Variants in MYO1A observed in about 807,000 individuals in gnomAD.
MYO1A encodes the protein unconventional myosin-Ia.
MYO1A carries 127 observed loss-of-function variants against 138.5 expected under a neutral mutation model. The ratio of observed to expected loss-of-function variants is 0.92; its 90% CI spans 0.79 to 1.06. MYO1A has a LOEUF of 1.06. MYO1A is among the 50% of genes least tolerant of loss of function. The probability of loss-of-function intolerance (pLI) is 0.00; values close to 1 mark genes in which losing one functional copy is unlikely to be tolerated. For missense variants in MYO1A, 1,211 were observed against 1,288.8 expected, an observed-to-expected ratio of 0.94 and a Z score of 0.92; for synonymous variants, 477 against 497.5, an observed-to-expected ratio of 0.96 and a Z score of 0.55.
At position 57,038,028 on chromosome 12, in the gene MYO1A, G is replaced by A. The variant is rs774478942; in HGVS notation, c.1802C>T (p.Ser601Phe). Residue 601 changes from serine to phenylalanine, a missense_variant, in exon 18 of 28, where the codon TCT (serine) becomes TTT (phenylalanine). Coordinates refer to ENST00000300119, the MANE Select transcript of MYO1A (RefSeq NM_005379.4). ...AGCCTGGGTTGCCACCAGGTCTGAA[G>A]AGAACTGACCTCGCTGCTGATGCTC... ...PNEHQQRGQFSSDLVATQARY... is the reference protein window; with the variant it reads ...PNEHQQRGQFFSDLVATQARY... 2.5e-6 allele frequency: 4 copies of A among 1,614,056 alleles called. No homozygotes were observed. The African/African-American group carries it at 4.0e-5, about 16-fold the overall frequency.
At chr12:57,041,832 C>T (rs1301714490) in intron 12 of MYO1A, among the ~76,000 whole-genome samples, 3 of 152,138 alleles carry the variant, frequency 2.0e-5, no homozygotes, top group East Asian at 3.8e-4. Context: ...TTATCATAAC[C>T]TTATAAGGTA....
intron 22 of MYO1A, 83 bp downstream of exon 22, chr12:57,036,224 G>A: frequency 7.4e-7 from 1 of 1,343,966 alleles, no homozygotes; most frequent in Non-Finnish European, 1.1e-6. Context: ...GGAAAGCTTT[G>A]GGTTGCCTCT....
chr12:57,040,068 C>T (rs1190275984), intron 14 of MYO1A, among the ~76,000 whole-genome samples: 2 of 152,220 alleles, frequency 1.3e-5, no homozygotes, highest in Non-Finnish European at 2.9e-5. Flanking sequence ...TCAGACGCTC[C>T]AGGCTGGGAC....
intron 24 of MYO1A, 118 bp from the exon 25 acceptor site, chr12:57,029,990 T>A: frequency 6.6e-7 from 1 of 1,516,522 alleles, no homozygotes; most frequent in Non-Finnish European, 9.1e-7. Context: ...CCTCTGTCAG[T>A]GTCCACAGAG....
At position 57,047,065 on chromosome 12, in the gene MYO1A, C is replaced by A. The variant is rs774474574; in HGVS notation, c.473G>T (p.Arg158Leu). The A allele has an allele frequency of 1.2e-6, 2 of 1,614,104 alleles. No homozygotes were observed. The highest frequency in any genetic ancestry group is 1.7e-6 in the Non-Finnish European group (2 of 1,180,016). The change falls in exon 6 of 28, where the codon CGA becomes CTA. Residue 158 changes from arginine (R) to leucine (L), a missense_variant. By Grantham distance (102) the Arg-to-Leu change is moderately radical. Coordinates refer to ENST00000300119, the MANE Select transcript of MYO1A (RefSeq NM_005379.4). ...GGTGGGGAGACATTTACTCACAAATCGGGAGGAATTGTTGTTGCGAATGGT... is the reference window on the plus strand; with the variant it reads ...GGTGGGGAGACATTTACTCACAAATAGGGAGGAATTGTTGTTGCGAATGGT... ...AKTIRNNNSS[R>L]FGKYMDIEFD...
intron 14 of MYO1A, 57 bp downstream of exon 14, chr12:57,041,127 C>T: frequency 2.3e-6 from 3 of 1,298,784 alleles, no homozygotes; most frequent in South Asian, 1.2e-5. Flanking sequence ...AGAAAGGAAG[C>T]TCTGGCATAT....
At chr12:57,050,846 CAG>C (rs765742345), upstream of MYO1A, 1 of 152,220 alleles carries the variant, frequency 6.6e-6, no homozygotes, top group Non-Finnish European at 1.5e-5. Context: ...ACACCAGACT[CAG>C]AGAGGTTACA....
intron 16 of MYO1A, 53 bp downstream of exon 16, chr12:57,038,756 A>C: frequency 6.2e-7 from 1 of 1,611,978 alleles, no homozygotes; most frequent in Non-Finnish European, 8.5e-7. Flanking sequence ...TCCCCCATTG[A>C]CTTCAGTCTG....
chr12:57,035,451 AAAC>A (rs1342060168), intron 22 of MYO1A, among the ~76,000 whole-genome samples: 2 of 152,190 alleles, frequency 1.3e-5, no homozygotes, highest in Non-Finnish European at 2.9e-5. Flanking sequence ...CCAGACTCTC[AAAC>A]AACAAAGAGG....
At chr12:57,046,476 G>A in intron 8 of MYO1A, 76 bp downstream of exon 8, 7 of 1,133,064 alleles carry the variant, frequency 6.2e-6, no homozygotes, top group South Asian at 1.2e-5. Flanking sequence ...GGGAACAGGG[G>A]TTCTGGGACT....
chr12:57,048,470 C>T (rs1229010261), intron 1 of MYO1A, 127 bp from the exon 2 acceptor site: 6 of 702,734 alleles, frequency 8.5e-6, no homozygotes, highest in Non-Finnish European at 1.3e-5. Context: ...AAAGAGAGCC[C>T]CCAACCTAGG....
At position 57,043,315 on chromosome 12, in the gene MYO1A, T is replaced by G. The variant is rs1285760993; in HGVS notation, c.936A>C (p.Glu312Asp). 2.5e-6 allele frequency: 4 copies of G among 1,614,138 alleles called. No homozygotes were observed. The African/African-American group carries it at 4.0e-5, about 16-fold the overall frequency. ...IGEMVGLNSE[E>D]VERALCSRTM... is the part of the protein sequence containing the mutation. ...TCCTCGAGCACAAAGCTCTCTCTAC[T>G]TCTTCTGAATTCAAGCCCACCATCT... The change falls in exon 11 of 28, where the codon GAA becomes GAC. Residue 312 changes from glutamate to aspartate, a missense_variant. Coordinates refer to ENST00000300119, the MANE Select transcript of MYO1A (RefSeq NM_005379.4).
chr12:57,030,360 G>T, intron 23 of MYO1A, 44 bp from the exon 24 acceptor site: 1 of 1,457,922 alleles, frequency 6.9e-7, no homozygotes, highest in South Asian at 1.1e-5. Context: ...AGAGTGGGAG[G>T]GCAGGGCTGG....
intron 22 of MYO1A, among the ~76,000 whole-genome samples, chr12:57,033,267 T>C (rs2030371578): frequency 6.6e-6 from 1 of 152,258 alleles, no homozygotes; most frequent in Admixed American, 6.5e-5. Flanking sequence ...AGCTTTATTT[T>C]TCCTTTTCCA....
intron 22 of MYO1A, among the ~76,000 whole-genome samples, chr12:57,035,490 C>G (rs905297848): frequency 2.6e-5 from 4 of 152,194 alleles, no homozygotes; most frequent in African/African-American, 9.7e-5. Context: ...TGTCTTATGT[C>G]TGAATGAGCA....
intron 14 of MYO1A, among the ~76,000 whole-genome samples, chr12:57,040,128 A>G (rs2030793157): frequency 6.6e-6 from 1 of 152,144 alleles, no homozygotes; most frequent in South Asian, 2.1e-4. Context: ...TCCCTCTATC[A>G]CAGGTCTTTA....
intron 17 of MYO1A, 116 bp from the exon 18 acceptor site, chr12:57,038,185 T>C (rs564786127): frequency 2.3e-6 from 3 of 1,294,564 alleles, no homozygotes; most frequent in African/African-American, 2.9e-5. Context: ...TCAAAGAAAG[T>C]AGACACACTG....
Position 57,043,238 on chromosome 12 carries a change from A to C in MYO1A, c.1011+2T>G, listed in dbSNP as rs875989945. On this transcript the variant is annotated splice_donor_variant, in intron 11 of 27. Transcript: ENST00000300119. LOFTEE classifies it high-confidence loss of function. ...CCCCCTCCACTCCAGTGAGCTCCTT[A>C]CCTGCATAACATTCAGTGCAGTGAC... 6.2e-6 allele frequency: 10 copies of C among 1,613,890 alleles called. No homozygotes were observed. Among genetic ancestry groups the C allele is most frequent in the South Asian group, 4.4e-5 (4 of 91,078 alleles).
At position 57,048,228 on chromosome 12, in the gene MYO1A, A is replaced by C; in HGVS notation, c.96T>G (p.Tyr32Ter). ...CACTCACATAAATCTCCTTGTTTTC[A>C]TAGCGAAGCTGAAGATTCTTGAGCA... ...ESLLKNLQLR[Y>*]ENKEIYTYIG... is the part of the protein sequence containing the mutation. The change falls in exon 2 of 28, where the codon TAT becomes TAG. Residue 32 changes from tyrosine (Y) to a stop codon, truncating the protein, a stop_gained. Coordinates refer to ENST00000300119, the MANE Select transcript of MYO1A (RefSeq NM_005379.4). LOFTEE classifies it high-confidence loss of function. 1 of 1,614,104 alleles carries C rather than the reference A, an allele frequency of 6.2e-7. No individual in the cohort carries two copies. Among genetic ancestry groups the C allele is most frequent in the Non-Finnish European group, 8.5e-7 (1 of 1,179,918 alleles).
Sources: gnomAD v4.1 joint callset for allele counts (sites outside exome capture counted in the v4.1 genomes callset) on GRCh38, gnomAD v4.1.1 for gene constraint, MANE v1.5 for transcripts, NCBI Gene and HGNC (gene_info 2026-07-23, HGNC 2026-07-21) for gene names.